The following L2HGDH variants were observed in gnomAD, a reference collection of about 807,000 sequenced individuals.
L2HGDH encodes the protein L-2-hydroxyglutarate dehydrogenase.
Under a neutral mutation model 51.5 loss-of-function variants are expected in L2HGDH, and 34 were observed. The observed-to-expected ratio is 0.66, with a 90% CI of 0.50 to 0.88. The LOEUF (loss-of-function observed/expected upper bound fraction) is 0.88. Among genes scored for constraint, L2HGDH ranks in the 40% least tolerant of loss-of-function variants. The probability of loss-of-function intolerance (pLI) is 0.00; values close to 1 mark genes in which losing one functional copy is unlikely to be tolerated. For synonymous variants in L2HGDH, 198 were observed against 197.9 expected, an observed-to-expected ratio of 1.00 and a Z score of -0.01; for missense variants, 558 against 571.9, an observed-to-expected ratio of 0.98 and a Z score of 0.25.
At chr14:50,254,833 G>C (rs1888565834) in intron 9 of L2HGDH, among the ~76,000 whole-genome samples, 1 of 151,930 alleles carries the variant, frequency 6.6e-6, no homozygotes, top group African/African-American at 2.4e-5. Context: ...GAACACAGGA[G>C]TTTGAGACCA....
Position 50,272,663 on chromosome 14 carries a change from T to C in L2HGDH, c.739-3333A>G, listed in dbSNP as rs147647248. Among the ~76,000 whole-genome samples the C allele has an allele frequency of 3.1e-3, 471 of 152,334 alleles. 9 individuals are homozygous for C. Among genetic ancestry groups the C allele is most frequent in the African/African-American group, 0.011 (453 of 41,578 alleles). Reference sequence around the variant, plus strand: ...ACCCATTATTAACTGGGTGGTGTTGTCTGACTCATCAAGCCACAAAATTGG... The same window carrying C: ...ACCCATTATTAACTGGGTGGTGTTGCCTGACTCATCAAGCCACAAAATTGG... On this transcript the variant is annotated intron_variant, in intron 6 of 9. Transcript: ENST00000267436.
chr14:50,265,216 A>G (rs951392688), intron 9 of L2HGDH, 142 bp downstream of exon 9: 7 of 681,788 alleles, frequency 1.0e-5, no homozygotes, highest in Non-Finnish European at 1.8e-5. Context: ...ATTCAACAAC[A>G]TGTTGGGAAA....
chr14:50,296,372 CAAAAAAAAAAAA>C (rs59868876), intron 3 of L2HGDH, among the ~76,000 whole-genome samples: 1 of 31,450 alleles, frequency 3.2e-5, no homozygotes, highest in African/African-American at 1.3e-4. Context: ...GACCCTGTCT[CAAAAAAAAAAAA>C]AAAAAAAAAA....
chr14:50,281,421 C>T lies in L2HGDH; in HGVS notation c.703+2450G>A, dbSNP rs566253855. 1.3e-4 allele frequency among the ~76,000 whole-genome samples: 20 copies of T among 151,896 alleles called. No homozygotes were observed. In the South Asian group the frequency reaches 1.5e-3, roughly 11 times the overall value. Reference sequence around the variant, plus strand: ...CAGCCTGGCCAACACGGTGAAACCACGTCTCTACTAAAAATACAAAATTAG... The same window carrying T: ...CAGCCTGGCCAACACGGTGAAACCATGTCTCTACTAAAAATACAAAATTAG... On this transcript the variant is annotated intron_variant, in intron 5 of 9. Transcript: ENST00000267436.
chr14:50,264,665 G>A (rs1257227857), intron 9 of L2HGDH, among the ~76,000 whole-genome samples: 1 of 152,122 alleles, frequency 6.6e-6, no homozygotes, highest in African/African-American at 2.4e-5. Context: ...CTTATAAGTG[G>A]GAGCTAAATG....
intron 1 of L2HGDH, among the ~76,000 whole-genome samples, chr14:50,310,220 T>C (rs1308167642): frequency 3.3e-5 from 5 of 151,892 alleles, no homozygotes; most frequent in Non-Finnish European, 7.4e-5. Context: ...GGGATCTCTT[T>C]GTACTGTTTA....
chr14:50,268,747 A>G (rs1889499229), intron 7 of L2HGDH, among the ~76,000 whole-genome samples: 1 of 152,230 alleles, frequency 6.6e-6, no homozygotes, highest in African/African-American at 2.4e-5. Context: ...TGAACTCCTC[A>G]TTTAAATACC....
chr14:50,257,373 AT>A (rs34937042), intron 9 of L2HGDH, among the ~76,000 whole-genome samples: 105 of 144,996 alleles, frequency 7.2e-4, no homozygotes, highest in Non-Finnish European at 6.5e-4. Flanking sequence ...TTTTCCTTTA[AT>A]TTTTTTTTTT....
At chr14:50,274,717 C>T (rs932513939) in intron 6 of L2HGDH, among the ~76,000 whole-genome samples, 7 of 151,948 alleles carry the variant, frequency 4.6e-5, no homozygotes, top group South Asian at 2.1e-4. Flanking sequence ...ATGAGAACAA[C>T]GTTAAGTGTC....
In L2HGDH at chr14:50,267,735, A is replaced by T. The variant is rs756159719; in HGVS notation, c.1064+18T>A. The T allele has an allele frequency of 6.4e-7, 1 of 1,574,082 alleles. No homozygotes were observed. Among genetic ancestry groups the T allele is most frequent in the Non-Finnish European group, 8.7e-7 (1 of 1,146,442 alleles). On this transcript the variant is annotated intron_variant, in intron 8 of 9. Transcript: ENST00000267436. ...AATATAAGCACATAAAATCATTTTT[A>T]AAAATAAATAATGTTACCTATTGAT...
At chr14:50,310,936 C>CTTTTTTTTTTTT (rs34399906) in intron 1 of L2HGDH, among the ~76,000 whole-genome samples, 7 of 82,242 alleles carry the variant, frequency 8.5e-5, no homozygotes, top group East Asian at 4.2e-4. Context: ...CTTTTCTTTT[C>CTTTTTTTTTTTT]TTTTTTTTTT....
chr14:50,303,067 G>A (rs781495864), intron 1 of L2HGDH, 50 bp from the exon 2 acceptor site: 12 of 1,128,444 alleles, frequency 1.1e-5, no homozygotes, highest in East Asian at 4.7e-5. Flanking sequence ...AGTAGACCTC[G>A]CCAAACTTCA....
chr14:50,310,007 CTTAA>C (rs1261802803), intron 1 of L2HGDH, among the ~76,000 whole-genome samples: 2 of 151,664 alleles, frequency 1.3e-5, no homozygotes, highest in African/African-American at 4.8e-5. Context: ...ATTTTCATAT[CTTAA>C]TTGAGGTGGT....
chr14:50,295,466 G>A (rs1292784421), intron 3 of L2HGDH, among the ~76,000 whole-genome samples: 2 of 151,878 alleles, frequency 1.3e-5, no homozygotes, highest in African/African-American at 4.8e-5. Flanking sequence ...TAGTGCAGTG[G>A]CCCAGTCATG....
intron 4 of L2HGDH, among the ~76,000 whole-genome samples, chr14:50,285,718 G>A (rs1315348791): frequency 6.6e-6 from 1 of 152,076 alleles, no homozygotes; most frequent in Admixed American, 6.6e-5. Context: ...TTCATCTTAT[G>A]CTCCTATTAC....
intron 3 of L2HGDH, among the ~76,000 whole-genome samples, chr14:50,300,568 T>C (rs1378984367): frequency 6.6e-6 from 1 of 152,134 alleles, no homozygotes; most frequent in Non-Finnish European, 1.5e-5. Context: ...GTGCTGAGAT[T>C]ACAGGCAGGC....
intron 4 of L2HGDH, among the ~76,000 whole-genome samples, chr14:50,284,765 T>A (rs1890472436): frequency 2.0e-5 from 3 of 152,220 alleles, no homozygotes; most frequent in Non-Finnish European, 4.4e-5. Flanking sequence ...GGTAGCCTGG[T>A]ATCCAGGATA....
intron 4 of L2HGDH, among the ~76,000 whole-genome samples, chr14:50,284,498 TGTTTTTGTCCCTAAA>T (rs1236198439): frequency 5.9e-5 from 9 of 152,200 alleles, no homozygotes; most frequent in African/African-American, 1.9e-4. Context: ...TGTTTGTTTC[TGTTTTTGTCCCTAAA>T]GACATGTCCA....
rs1192395276 is a variant in L2HGDH, at chr14:50,312,097, A to G, written c.54T>C (p.Leu18=). ...LVGACGRARG[L]FAGGSPGACG... is the part of the protein sequence containing the mutation. ...ACGCCCCAGGGGAGCCACCGGCGAA[A>G]AGCCCGCGGGCCCGTCCGCAGGCAC... Residue 18 remains leucine, a synonymous_variant, in exon 1 of 10, where the codon CTT becomes CTC. Transcript: ENST00000267436. The G allele has an allele frequency of 1.9e-6, 3 of 1,608,024 alleles. No individual in the cohort carries two copies. Among genetic ancestry groups the G allele is most frequent in the South Asian group, 2.2e-5 (2 of 90,328 alleles).
Sources: gnomAD v4.1 joint callset for allele counts (sites outside exome capture counted in the v4.1 genomes callset) on GRCh38, gnomAD v4.1.1 for gene constraint, MANE v1.5 for transcripts, NCBI Gene and HGNC (gene_info 2026-07-23, HGNC 2026-07-21) for gene names.